FAM135B: variants seen among roughly 807,000 people sequenced by gnomAD.
The protein encoded by FAM135B is family with sequence similarity 135 member B.
FAM135B carries 43 observed loss-of-function variants against 127.7 expected under a neutral mutation model. That is an observed-to-expected ratio of 0.34 (90% confidence interval 0.26 to 0.43). FAM135B has a LOEUF of 0.43. Ranked by LOEUF, FAM135B falls within the 20% of genes least tolerant of loss-of-function variation. The pLI, the probability that FAM135B is intolerant of heterozygous loss-of-function variation, is 1.00. For missense variants in FAM135B, 1,558 were observed against 1,725.6 expected, an observed-to-expected ratio of 0.90 and a Z score of 1.72; for synonymous variants, 670 against 665.1, an observed-to-expected ratio of 1.01 and a Z score of -0.11.
At chr8:138,294,262 G>C (rs1825323215) in intron 3 of FAM135B, among the ~76,000 whole-genome samples, 1 of 151,966 alleles carries the variant, frequency 6.6e-6, no homozygotes, top group Non-Finnish European at 1.5e-5. Flanking sequence ...GGAAGGGGGT[G>C]AAAGATAAAA....
At chr8:138,324,847 A>G (rs1318715605) in intron 2 of FAM135B, among the ~76,000 whole-genome samples, 1 of 152,232 alleles carries the variant, frequency 6.6e-6, no homozygotes, top group Non-Finnish European at 1.5e-5. Flanking sequence ...GGAAGAATTA[A>G]TTAAAAGTCC....
chr8:138,216,853 C>T (rs952743320), intron 7 of FAM135B, among the ~76,000 whole-genome samples: 10 of 152,098 alleles, frequency 6.6e-5, no homozygotes, highest in Admixed American at 1.3e-4. Context: ...AGCTACAATC[C>T]TAACCATCTT....
chr8:138,169,112 A>T (rs984424598), intron 11 of FAM135B, among the ~76,000 whole-genome samples: 1 of 152,248 alleles, frequency 6.6e-6, no homozygotes, highest in East Asian at 1.9e-4. Context: ...TGTATATTTC[A>T]TATAATATAC....
intron 5 of FAM135B, among the ~76,000 whole-genome samples, chr8:138,255,940 C>T (rs567375379): frequency 1.4e-4 from 22 of 152,250 alleles, no homozygotes; most frequent in African/African-American, 5.3e-4. Context: ...ATGAAGCCCC[C>T]TACCATGCCC....
At chr8:138,397,543 T>C (rs954524363) in intron 1 of FAM135B, among the ~76,000 whole-genome samples, 1 of 152,198 alleles carries the variant, frequency 6.6e-6, no homozygotes, top group Admixed American at 6.5e-5. Context: ...GCATACGTAC[T>C]TGTAGTATGT....
intron 2 of FAM135B, among the ~76,000 whole-genome samples, chr8:138,346,812 C>T (rs1829441240): frequency 2.0e-5 from 3 of 152,042 alleles, no homozygotes; most frequent in African/African-American, 7.3e-5. Context: ...GCACATGTAC[C>T]CTGGAACTTA....
At chr8:138,464,678 A>G (rs1398070716) in intron 1 of FAM135B, among the ~76,000 whole-genome samples, 1 of 152,226 alleles carries the variant, frequency 6.6e-6, no homozygotes, top group Non-Finnish European at 1.5e-5. Context: ...TTCTTCCATC[A>G]TCCCAACAGA....
chr8:138,399,294 T>C (rs1297887924), intron 1 of FAM135B, among the ~76,000 whole-genome samples: 1 of 152,206 alleles, frequency 6.6e-6, no homozygotes, highest in Non-Finnish European at 1.5e-5. Flanking sequence ...TGACTTATTG[T>C]CGCTTTCCAT....
intron 7 of FAM135B, among the ~76,000 whole-genome samples, chr8:138,204,694 C>T (rs1192562873): frequency 3.9e-5 from 6 of 152,170 alleles, no homozygotes; most frequent in Non-Finnish European, 2.9e-5. Context: ...AATAATCATG[C>T]TATAGAAATT....
chr8:138,406,027 G>T (rs7820495), intron 1 of FAM135B, among the ~76,000 whole-genome samples: 86,533 of 144,718 alleles, frequency 0.6, 27,644 homozygotes, highest in African/African-American at 0.84. Context: ...GAGAAGTGTC[G>T]GTTCATATCC....
chr8:138,204,292 C>G (rs757512663), intron 7 of FAM135B, among the ~76,000 whole-genome samples: 2 of 152,216 alleles, frequency 1.3e-5, no homozygotes, highest in African/African-American at 2.4e-5. Context: ...AGATGCAGGT[C>G]AAATGTCACC....
At chr8:138,479,195 C>A (rs371230717) in intron 1 of FAM135B, among the ~76,000 whole-genome samples, 1 of 152,222 alleles carries the variant, frequency 6.6e-6, no homozygotes, top group Admixed American at 6.5e-5. Flanking sequence ...AGCACTTCCA[C>A]GTGTTCACCA....
intron 2 of FAM135B, among the ~76,000 whole-genome samples, chr8:138,341,845 C>A (rs2131062754): frequency 6.6e-6 from 1 of 152,210 alleles, no homozygotes; most frequent in East Asian, 1.9e-4. Context: ...ACTGACCTCC[C>A]CATGAAAGGA....
chr8:138,462,632 A>G (rs1242064845), intron 1 of FAM135B, among the ~76,000 whole-genome samples: 1 of 152,228 alleles, frequency 6.6e-6, no homozygotes, highest in Non-Finnish European at 1.5e-5. Flanking sequence ...TAACCCGAGT[A>G]GCTCTTCTCT....
intron 2 of FAM135B, among the ~76,000 whole-genome samples, chr8:138,347,675 G>T (rs1287669287): frequency 6.6e-6 from 1 of 152,080 alleles, no homozygotes; most frequent in Non-Finnish European, 1.5e-5. Context: ...TCATCACTCT[G>T]CTTGCTGATC....
chr8:138,423,087 G>A (rs141354024), intron 1 of FAM135B, among the ~76,000 whole-genome samples: 2 of 152,104 alleles, frequency 1.3e-5, no homozygotes, highest in Non-Finnish European at 2.9e-5. Context: ...TACAATAATA[G>A]GGAAACAACA....
At chr8:138,183,206 T>C (rs1815244930) in intron 9 of FAM135B, among the ~76,000 whole-genome samples, 1 of 152,220 alleles carries the variant, frequency 6.6e-6, no homozygotes, top group South Asian at 2.1e-4. Context: ...GCAGAAATTT[T>C]AATGTACTTA....
At chr8:138,269,912 T>C (rs1375239031) in intron 3 of FAM135B, among the ~76,000 whole-genome samples, 1 of 152,216 alleles carries the variant, frequency 6.6e-6, no homozygotes, top group Admixed American at 6.5e-5. Context: ...TCGGACCCTT[T>C]CTAGGAACGG....
intron 3 of FAM135B, among the ~76,000 whole-genome samples, chr8:138,306,899 C>G (rs1482612803): frequency 6.6e-6 from 1 of 152,128 alleles, no homozygotes; most frequent in Non-Finnish European, 1.5e-5. Context: ...CTGTATCATT[C>G]TTTAAGGCCA....
Sources: allele counts gnomAD v4.1 joint callset (sites outside exome capture counted in the v4.1 genomes callset), GRCh38; gene constraint gnomAD v4.1.1; transcripts MANE v1.5; gene names NCBI Gene and HGNC (gene_info 2026-07-23, HGNC 2026-07-21).